TGFBI: variants seen among roughly 807,000 people sequenced by gnomAD.
TGFBI encodes the protein transforming growth factor-beta-induced protein ig-h3.
In TGFBI, 50 loss-of-function variants were observed where a neutral mutation model predicts 73.7. That is an observed-to-expected ratio of 0.68 (90% CI 0.54 to 0.86). TGFBI has a LOEUF of 0.86. Among genes scored for constraint, TGFBI ranks in the 40% least tolerant of loss-of-function variants. TGFBI has a pLI of 0.00. For synonymous variants in TGFBI, 362 were observed against 360.5 expected (o/e 1.00, Z -0.05); for missense variants, 839 against 877.0 (o/e 0.96, Z 0.55).
chr5:136,063,539 G>A lies in TGFBI; in HGVS notation c.*313G>A, dbSNP rs1751786836. On this transcript the variant is annotated 3_prime_UTR_variant, in exon 17 of 17. Coordinates refer to ENST00000442011, the MANE Select transcript of TGFBI (RefSeq NM_000358.3). The stretch of plus-strand genomic sequence containing the variant: ...CTGCCTATGCCAAGTCCCTGGAAAA[G>A]GAGCTTCAGTATTGTGGGGCTCATA... 1 of 351,334 alleles carries A rather than the reference G, an allele frequency of 2.8e-6. No individual in the cohort carries two copies. The highest frequency in any genetic ancestry group is 5.3e-6 in the Non-Finnish European group (1 of 190,166). 21.8% of individuals were successfully genotyped at this position (351,334 alleles called of 1,614,324 possible).
At chr5:136,046,688 C>T in intron 4 of TGFBI, 163 bp from the exon 5 acceptor site, 4 of 1,207,188 alleles carry the variant, frequency 3.3e-6, no homozygotes, top group Non-Finnish European at 4.5e-6. Flanking sequence ...GCCCCCCGTT[C>T]CCTACTGGGC....
chr5:136,063,683 T>TACGGC lies in TGFBI; in HGVS notation c.*457_*458insACGGC. 9 of 162,910 alleles carry TACGGC rather than the reference T, an allele frequency of 5.5e-5. No homozygotes were observed. The highest frequency in any genetic ancestry group is 8.0e-5 in the Non-Finnish European group (6 of 74,612). The allele number at this position is 162,910 out of a possible 1,614,324, so 10.1% of individuals were successfully genotyped here. ...ATGAGTTGAAATGTTCTGTCAAATGTGTCTCACATCTACACGTGGCTTGGA... is the reference window on the plus strand; with the variant it reads ...ATGAGTTGAAATGTTCTGTCAAATGTACGGCGTCTCACATCTACACGTGGCTTGGA... On this transcript the variant is annotated 3_prime_UTR_variant, in exon 17 of 17. Coordinates refer to ENST00000442011, the MANE Select transcript of TGFBI (RefSeq NM_000358.3).
At chr5:136,048,115 C>A (rs1365666382) in intron 6 of TGFBI, 3 of 152,260 alleles carry the variant, frequency 2.0e-5, no homozygotes, top group Non-Finnish European at 4.4e-5. Context: ...CGGACCCTCC[C>A]TAGAGATCTC....
rs374482409 is a variant in TGFBI at position 136,046,590 on chromosome 5, C to T, written c.459+95C>T. On this transcript the variant is annotated intron_variant, in intron 4 of 16. Coordinates refer to ENST00000442011, the MANE Select transcript of TGFBI (RefSeq NM_000358.3). Reference sequence around the variant, plus strand: ...GATGAATGGGAGTCTGCAGTCATTTCCTACTGTTTCAGGAAGCTTTCTCCT... The same window carrying T: ...GATGAATGGGAGTCTGCAGTCATTTTCTACTGTTTCAGGAAGCTTTCTCCT... The T allele has an allele frequency of 5.3e-5, 75 of 1,414,924 alleles. No homozygotes were observed. In the African/African-American group the frequency reaches 6.6e-4, roughly 12 times the overall value. 87.6% of individuals were successfully genotyped at this position (1,414,924 alleles called of 1,614,324 possible). A position where few individuals can be genotyped will look rare whatever the true frequency, so the allele number is the denominator to read the frequency against.
Position 136,059,055 on chromosome 5 carries a change from G to T in TGFBI, c.1679-35G>T, listed in dbSNP as rs1349511910. On this transcript the variant is annotated intron_variant, in intron 12 of 16. Transcript: ENST00000442011. ...TTGACCAGGCTAATTACCATTCTTG[G>T]GATTAACTCTATCTCCTTTTCCCGC... 4 of 1,600,410 alleles carry T rather than the reference G, an allele frequency of 2.5e-6. No homozygotes were observed. In the East Asian group the frequency reaches 6.7e-5, roughly 27 times the overall value.
chr5:136,055,132 C>T (rs1284989930), intron 10 of TGFBI: 6 of 410,266 alleles, frequency 1.5e-5, no homozygotes, highest in Non-Finnish European at 2.6e-5. Context: ...GGAATTAACA[C>T]CTGGGAGGAG....
intron 8 of TGFBI, among the ~76,000 whole-genome samples, chr5:136,053,531 C>T (rs1353809862): frequency 3.3e-5 from 5 of 152,262 alleles, no homozygotes; most frequent in African/African-American, 1.2e-4. Flanking sequence ...ATCCTAGCCC[C>T]ATTCTAGTCT....
At chr5:136,039,256 ATTAGCCCATT>A (rs1751287042) in intron 2 of TGFBI, among the ~76,000 whole-genome samples, 1 of 152,244 alleles carries the variant, frequency 6.6e-6, no homozygotes, top group African/African-American at 2.4e-5. Context: ...AAATATGATT[ATTAGCCCATT>A]TACAGATGAG....
Position 136,063,692 on chromosome 5 carries a change from T to C in TGFBI, c.*466T>C, listed in dbSNP as rs1751789017. On this transcript the variant is annotated 3_prime_UTR_variant, in exon 17 of 17. Coordinates refer to ENST00000442011, the MANE Select transcript of TGFBI (RefSeq NM_000358.3). ...AATGTTCTGTCAAATGTGTCTCACA[T>C]CTACACGTGGCTTGGAGGCTTTTAT... 1 of 168,334 alleles carries C rather than the reference T, an allele frequency of 5.9e-6. No individual in the cohort carries two copies. The highest frequency in any genetic ancestry group is 2.4e-5 in the African/African-American group (1 of 41,746). 10.4% of individuals were successfully genotyped at this position (168,334 alleles called of 1,614,324 possible).
chr5:136,053,842 G>T, intron 8 of TGFBI, 101 bp from the exon 9 acceptor site: 2 of 1,546,326 alleles, frequency 1.3e-6, no homozygotes, highest in Non-Finnish European at 1.8e-6. Context: ...GTTGACTCAC[G>T]AGATGACATT....
At chr5:136,045,270 C>T (rs775515047) in intron 3 of TGFBI, among the ~76,000 whole-genome samples, 3 of 152,120 alleles carry the variant, frequency 2.0e-5, no homozygotes, top group Non-Finnish European at 2.9e-5. Context: ...GGGCTGGGCA[C>T]GGTGGCTCAC....
Position 136,060,918 on chromosome 5 carries a change from A to C in TGFBI, c.1888A>C (p.Asn630His). ...AAATGGCGTGGTCCATGTCATCACC[A>C]ATGTTCTGCAGCCTCCAGGTAAGTG... ...ATNGVVHVIT[N>H]VLQPPANRPQ... is the part of the protein sequence containing the mutation. Residue 630 changes from asparagine (N) to histidine (H), a missense_variant, in exon 14 of 17, where the codon AAT (asparagine) becomes CAT (histidine). Coordinates refer to ENST00000442011, the MANE Select transcript of TGFBI (RefSeq NM_000358.3). 6.3e-7 allele frequency: 1 copy of C among 1,581,344 alleles called. No homozygotes were observed. Among genetic ancestry groups the C allele is most frequent in the Non-Finnish European group, 8.6e-7 (1 of 1,157,428 alleles).
intron 12 of TGFBI, among the ~76,000 whole-genome samples, 156 bp downstream of exon 12, chr5:136,056,951 G>A (rs1347518209): frequency 6.6e-6 from 1 of 152,180 alleles, no homozygotes; most frequent in African/African-American, 2.4e-5. Flanking sequence ...AACTAGCAAA[G>A]GATGAGGCCA....
intron 10 of TGFBI, chr5:136,055,382 G>T (rs899408039): frequency 3.4e-6 from 1 of 293,200 alleles, no homozygotes; most frequent in Non-Finnish European, 6.3e-6. Context: ...TAAATAAATG[G>T]GTTCAACGTA....
intron 12 of TGFBI, 191 bp from the exon 13 acceptor site, chr5:136,058,898 TC>T (rs1420603734): frequency 1.6e-6 from 1 of 626,970 alleles, no homozygotes; most frequent in Non-Finnish European, 2.6e-6. Flanking sequence ...GTGCTTTGTG[TC>T]CTCTGACCAT....
intron 12 of TGFBI, among the ~76,000 whole-genome samples, chr5:136,057,965 G>A (rs944198235): frequency 1.3e-5 from 2 of 152,092 alleles, no homozygotes; most frequent in Admixed American, 6.5e-5. Flanking sequence ...TTTCAATTAT[G>A]TGGGAGTTGA....
Position 136,063,685 on chromosome 5 carries a change from T to A in TGFBI, c.*459T>A. On this transcript the variant is annotated 3_prime_UTR_variant, in exon 17 of 17. Coordinates refer to ENST00000442011, the MANE Select transcript of TGFBI (RefSeq NM_000358.3). ...GAGTTGAAATGTTCTGTCAAATGTG[T>A]CTCACATCTACACGTGGCTTGGAGG... is the stretch of plus-strand genomic sequence containing the variant. 5.5e-5 allele frequency: 9 copies of A among 162,478 alleles called. No homozygotes were observed. Among genetic ancestry groups the A allele is most frequent in the South Asian group, 1.8e-4 (1 of 5,480 alleles). 10.1% of individuals were successfully genotyped at this position (162,478 alleles called of 1,614,324 possible). A position where few individuals can be genotyped will look rare whatever the true frequency, so the allele number is the denominator to read the frequency against.
chr5:136,049,377 G>A (rs1751491247), intron 6 of TGFBI, 62 bp from the exon 7 acceptor site: 1 of 1,581,936 alleles, frequency 6.3e-7, no homozygotes. Context: ...AGCTGTGTGT[G>A]CATCTTCTGT....
intron 2 of TGFBI, among the ~76,000 whole-genome samples, chr5:136,038,693 C>A (rs1411389119): frequency 2.0e-5 from 3 of 146,674 alleles, no homozygotes; most frequent in African/African-American, 7.6e-5. Context: ...TGCCCTCCAG[C>A]CTGGGCAACA....
Sources: gnomAD v4.1 joint callset for allele counts (sites outside exome capture counted in the v4.1 genomes callset) on GRCh38, gnomAD v4.1.1 for gene constraint, MANE v1.5 for transcripts, NCBI Gene and HGNC (gene_info 2026-07-23, HGNC 2026-07-21) for gene names.